Variants in DHX34 observed in about 807,000 individuals in gnomAD.
The protein encoded by DHX34 is DExH-box helicase 34.
DHX34 carries 96 observed loss-of-function variants against 111.1 expected under a neutral mutation model. The observed-to-expected ratio is 0.86, with a 90% CI of 0.73 to 1.02. DHX34 has a LOEUF of 1.02. Among genes scored for constraint, DHX34 ranks in the 50% least tolerant of loss-of-function variants. DHX34 has a pLI of 0.00. For synonymous variants in DHX34, 688 were observed against 670.4 expected, an observed-to-expected ratio of 1.03 and a Z score of -0.41; for missense variants, 1,560 against 1,579.9, an observed-to-expected ratio of 0.99 and a Z score of 0.21.
intron 16 of DHX34, 72 bp downstream of exon 16, chr19:47,381,396 C>T (rs755447080): frequency 1.7e-4 from 266 of 1,551,430 alleles, no homozygotes; most frequent in Non-Finnish European, 2.1e-4. Flanking sequence ...GTCTCCTGTG[C>T]GTGTGAGCAC....
intron 7 of DHX34, among the ~76,000 whole-genome samples, chr19:47,368,948 A>T (rs1969886667): frequency 6.6e-6 from 1 of 151,890 alleles, no homozygotes; most frequent in South Asian, 2.1e-4. Context: ...CAGTGGTGTG[A>T]TCTCAGCTAA....
intron 7 of DHX34, among the ~76,000 whole-genome samples, chr19:47,367,907 A>G (rs1056923344): frequency 6.7e-6 from 1 of 148,374 alleles, no homozygotes; most frequent in East Asian, 1.9e-4. Flanking sequence ...AAAAAAAAAA[A>G]AAAAAAAAGC....
chr19:47,362,646 C>T lies in DHX34; in HGVS notation c.1546C>T (p.Pro516Ser). 2 of 1,613,536 alleles carry T rather than the reference C, an allele frequency of 1.2e-6. No homozygotes were observed. The highest frequency in any genetic ancestry group is 1.7e-6 in the Non-Finnish European group (2 of 1,179,964). Residue 516 changes from proline (P) to serine (S), a missense_variant, in exon 6 of 17, where the codon CCC (proline) becomes TCC (serine). Physicochemically the swap from Pro to Ser is moderately conservative, Grantham distance 74 (BLOSUM62 -1). Coordinates refer to ENST00000328771, the MANE Select transcript of DHX34 (RefSeq NM_014681.6). ...ESDYDAFAPY[P>S]VPEIRRVALD... ...GGACTATGATGCCTTCGCCCCCTAC[C>T]CCGTCCCAGAAATTCGGAGGGTGGC...
intron 9 of DHX34, among the ~76,000 whole-genome samples, chr19:47,375,057 G>A (rs916714555): frequency 2.0e-5 from 3 of 152,128 alleles, no homozygotes; most frequent in Admixed American, 6.5e-5. Flanking sequence ...CCACTTGGTC[G>A]TTCTGGGATG....
rs1023807857 is a variant in DHX34, at chr19:47,353,889, G to A, written c.705+154G>A. Among the ~76,000 whole-genome samples, 8 of 152,152 alleles carry A rather than the reference G, an allele frequency of 5.3e-5. No homozygotes were observed. Among genetic ancestry groups the A allele is most frequent in the African/African-American group, 1.9e-4 (8 of 41,434 alleles). On this transcript the variant is annotated intron_variant, in intron 2 of 16. Coordinates refer to ENST00000328771, the MANE Select transcript of DHX34 (RefSeq NM_014681.6). This position sits in a 1 kb window ranked among gnomAD's most constrained non-coding sequence, Gnocchi z 4.6. Reference sequence around the variant, plus strand: ...TTTATCCACAGAGTGGCTTGTCTGTGGTCTACATGACAAAGGAGCTAGCAT... The same window carrying A: ...TTTATCCACAGAGTGGCTTGTCTGTAGTCTACATGACAAAGGAGCTAGCAT...
At position 47,362,575 on chromosome 19, in the gene DHX34, C is replaced by T. The variant is rs758784345; in HGVS notation, c.1475C>T (p.Ala492Val). ...QASAEQRKGR[A>V]GRTGPGVCFR... The stretch of plus-strand genomic sequence containing the variant: ...AGCGCAGAGCAGCGGAAGGGCCGGG[C>T]GGGCCGCACGGGCCCCGGAGTCTGC... Residue 492 changes from alanine (A) to valine (V), a missense_variant, in exon 6 of 17, where the codon GCG (alanine) becomes GTG (valine). By Grantham distance (64) the Ala-to-Val change is moderately conservative. Transcript: ENST00000328771. 9.3e-6 allele frequency: 15 copies of T among 1,613,210 alleles called. No individual in the cohort carries two copies. The highest frequency in any genetic ancestry group is 1.3e-5 in the African/African-American group (1 of 74,862).
At chr19:47,349,983 A>G (rs1466860530) in intron 1 of DHX34, among the ~76,000 whole-genome samples, 1 of 152,044 alleles carries the variant, frequency 6.6e-6, no homozygotes, top group African/African-American at 2.4e-5. Flanking sequence ...CTACTCACTT[A>G]GCCTCTCTAT....
intron 7 of DHX34, among the ~76,000 whole-genome samples, chr19:47,368,601 CG>C (rs971880885): frequency 6.7e-6 from 1 of 150,118 alleles, no homozygotes; most frequent in African/African-American, 2.5e-5. Flanking sequence ...CCACTGCTCC[CG>C]GTCCATTGAA....
Position 47,360,353 on chromosome 19 carries a change from TC to T in DHX34, c.1375+284del, listed in dbSNP as rs1599758400. 3.9e-5 allele frequency among the ~76,000 whole-genome samples: 6 copies of T among 152,272 alleles called. No homozygotes were observed. In the South Asian group the frequency reaches 1.2e-3, roughly 32 times the overall value. ...GGGTCACGTTAGTGCTGAAAACATTTCAGATTTTCGAGCATTTCAGACTTTG... is the reference window on the plus strand; with the variant it reads ...GGGTCACGTTAGTGCTGAAAACATTTAGATTTTCGAGCATTTCAGACTTTG... On this transcript the variant is annotated intron_variant, in intron 5 of 16. Coordinates refer to ENST00000328771, the MANE Select transcript of DHX34 (RefSeq NM_014681.6).
chr19:47,352,895 A>C lies in DHX34; in HGVS notation c.-136A>C. 6.9e-7 allele frequency: 1 copy of C among 1,443,236 alleles called. No individual in the cohort carries two copies. Among genetic ancestry groups the C allele is most frequent in the Non-Finnish European group, 9.1e-7 (1 of 1,100,742 alleles). The allele number at this position is 1,443,236 out of a possible 1,614,324, so 89.4% of individuals were successfully genotyped here. A position where few individuals can be genotyped will look rare whatever the true frequency, so the allele number is the denominator to read the frequency against. On this transcript the variant is annotated 5_prime_UTR_variant, in exon 2 of 17. Coordinates refer to ENST00000328771, the MANE Select transcript of DHX34 (RefSeq NM_014681.6). ...GTGGTGGTCCTGTGCCGTGACCAGG[A>C]GGAAAAATTAGCTCTTTGAAGAGAA...
chr19:47,355,401 G>T, intron 3 of DHX34, 51 bp downstream of exon 3: 1 of 1,583,234 alleles, frequency 6.3e-7, no homozygotes. Context: ...CCTGGTCTCT[G>T]TCCAAACCTG....
chr19:47,353,696 G>T lies in DHX34; in HGVS notation c.666G>T (p.Lys222Asn). ...GGATCGCCTGCATCTCACTGGCCAA[G>T]CGTGTGGGCTTTGAGAGCCTCAGTC... ...PRRIACISLAKRVGFESLSQY... is the reference protein window; with the variant it reads ...PRRIACISLANRVGFESLSQY... Residue 222 changes from lysine (K) to asparagine (N), a missense_variant, in exon 2 of 17, where the codon AAG becomes AAT. By Grantham distance (94) the Lys-to-Asn change is moderately conservative. Coordinates refer to ENST00000328771, the MANE Select transcript of DHX34 (RefSeq NM_014681.6). This position sits in a 1 kb window ranked among gnomAD's most constrained non-coding sequence, Gnocchi z 4.6. 6.2e-7 allele frequency: 1 copy of T among 1,608,572 alleles called. No individual in the cohort carries two copies. The highest frequency in any genetic ancestry group is 8.5e-7 in the Non-Finnish European group (1 of 1,176,802).
chr19:47,367,284 G>A (rs1281015272), intron 7 of DHX34, 129 bp downstream of exon 7: 31 of 1,042,334 alleles, frequency 3.0e-5, no homozygotes, highest in Non-Finnish European at 4.0e-5. Flanking sequence ...ACTCTTCACT[G>A]GGCCAGGCAC....
chr19:47,364,506 C>G (rs2972605), intron 6 of DHX34, among the ~76,000 whole-genome samples: 68,222 of 151,902 alleles, frequency 0.45, 18,715 homozygotes, highest in Non-Finnish European at 0.61. Context: ...CTTTGGGAGG[C>G]TGAGGCAGGA....
rs375289483 is a variant in DHX34, at chr19:47,355,368, C to T, written c.1017+18C>T. The T allele has an allele frequency of 5.6e-6, 9 of 1,604,024 alleles. No homozygotes were observed. Among genetic ancestry groups the T allele is most frequent in the African/African-American group, 1.3e-5 (1 of 74,788 alleles). On this transcript the variant is annotated intron_variant, in intron 3 of 16. Transcript: ENST00000328771. Reference sequence around the variant, plus strand: ...CCATCACGGTGAGTACTTCCCCCTCCTCCCACATCCCCAGACCTCCAACCT... The same window carrying T: ...CCATCACGGTGAGTACTTCCCCCTCTTCCCACATCCCCAGACCTCCAACCT...
chr19:47,371,361 G>A (rs962373085), intron 7 of DHX34, among the ~76,000 whole-genome samples: 2 of 152,254 alleles, frequency 1.3e-5, no homozygotes, highest in African/African-American at 4.8e-5. Context: ...GGCGTCCTCT[G>A]TGCCAGGTGG....
chr19:47,363,993 G>A (rs1381190844), intron 6 of DHX34, among the ~76,000 whole-genome samples: 1 of 152,158 alleles, frequency 6.6e-6, no homozygotes, highest in Admixed American at 6.6e-5. Context: ...AGGTTAGACT[G>A]CCATGACAAA....
chr19:47,369,574 G>C (rs1171586314), intron 7 of DHX34, among the ~76,000 whole-genome samples: 1 of 152,206 alleles, frequency 6.6e-6, no homozygotes, highest in African/African-American at 2.4e-5. Flanking sequence ...GACAGGGGCA[G>C]ATAAATGAGT....
intron 1 of DHX34, among the ~76,000 whole-genome samples, chr19:47,352,149 C>T (rs1464765176): frequency 6.6e-6 from 1 of 152,176 alleles, no homozygotes; most frequent in Non-Finnish European, 1.5e-5. Flanking sequence ...ATCCCCTCCT[C>T]CCAGGATCCT....
Sources: gnomAD v4.1 joint callset for allele counts (sites outside exome capture counted in the v4.1 genomes callset) on GRCh38, gnomAD v4.1.1 for gene constraint, Gnocchi (gnomAD v3.1) non-coding constraint, MANE v1.5 for transcripts, NCBI Gene and HGNC (gene_info 2026-07-23, HGNC 2026-07-21) for gene names.